Variants in TRPM3 observed in about 807,000 individuals in gnomAD.
The protein encoded by TRPM3 is transient receptor potential cation channel subfamily M member 3.
Under a neutral mutation model 181.2 loss-of-function variants are expected in TRPM3, and 77 were observed. That is an observed-to-expected ratio of 0.42 (90% CI 0.35 to 0.51). TRPM3 has a LOEUF of 0.51. TRPM3 is among the 20% of genes least tolerant of loss of function. TRPM3 has a pLI of 0.01. For missense variants in TRPM3, 1,759 were observed against 2,196.7 expected (o/e 0.80, Z 3.98); for synonymous variants, 745 against 796.4 (o/e 0.94, Z 1.09).
At position 70,765,086 on chromosome 9, in the gene TRPM3, C is replaced by A. The variant is rs117229901; in HGVS notation, c.1149-3362G>T. Reference sequence around the variant, plus strand: ...TAATTTCATTTTGCAGAAGAGAAAACTATGCCCTAAGGAGGTTAAATGATT... The same window carrying A: ...TAATTTCATTTTGCAGAAGAGAAAAATATGCCCTAAGGAGGTTAAATGATT... On this transcript the variant is annotated intron_variant, in intron 7 of 25. Transcript: ENST00000677713. Among the ~76,000 whole-genome samples the A allele has an allele frequency of 4.1e-3, 630 of 152,268 alleles. 3 individuals carry two copies. The highest frequency in any genetic ancestry group is 7.1e-3 in the Non-Finnish European group (480 of 68,020).
chr9:71,387,638 TA>T (rs1427167962), intron 1 of TRPM3, among the ~76,000 whole-genome samples: 1 of 152,198 alleles, frequency 6.6e-6, no homozygotes, highest in Non-Finnish European at 1.5e-5. Flanking sequence ...ATTATTTTAT[TA>T]CTTATTAAAA....
chr9:70,618,940 T>TGC lies in TRPM3; in HGVS notation c.2283_2284dup (p.His762ArgfsTer27). 1 of 1,613,648 alleles carries TGC rather than the reference T, an allele frequency of 6.2e-7. No homozygotes were observed. Among genetic ancestry groups the TGC allele is most frequent in the Non-Finnish European group, 8.5e-7 (1 of 1,179,986 alleles). ...GGTGAGCAGCATCTGGCTGCACGTG[T>TGC]GCGCGATGAAGTCGCGGTGTTTGGC... On this transcript the variant is annotated frameshift_variant, in exon 17 of 26. Coordinates refer to ENST00000677713, the MANE Select transcript of TRPM3 (RefSeq NM_001366145.2). LOFTEE classifies it high-confidence loss of function.
chr9:71,076,942 T>C (rs1044656692), intron 1 of TRPM3, among the ~76,000 whole-genome samples: 3 of 152,242 alleles, frequency 2.0e-5, no homozygotes, highest in East Asian at 1.9e-4. Flanking sequence ...GCATACACTT[T>C]TTCAAAAACA....
intron 1 of TRPM3, among the ~76,000 whole-genome samples, chr9:71,177,550 G>A (rs144089594): frequency 3.3e-5 from 5 of 152,174 alleles, no homozygotes; most frequent in East Asian, 1.9e-4. Context: ...TATTCTCATC[G>A]TTAAATGACC....
At chr9:71,427,587 GA>G (rs1460429963) in intron 1 of TRPM3, among the ~76,000 whole-genome samples, 2 of 152,196 alleles carry the variant, frequency 1.3e-5, no homozygotes, top group Non-Finnish European at 2.9e-5. Flanking sequence ...GCATAAAAAA[GA>G]ACAAAATCAT....
At chr9:70,938,994 A>T (rs2133522579) in intron 1 of TRPM3, among the ~76,000 whole-genome samples, 1 of 146,334 alleles carries the variant, frequency 6.8e-6, no homozygotes, top group East Asian at 2.1e-4. Context: ...AAAAAATAAA[A>T]AAAAAACATT....
chr9:71,261,334 G>C (rs1250651225), intron 1 of TRPM3, among the ~76,000 whole-genome samples: 1 of 152,136 alleles, frequency 6.6e-6, no homozygotes, highest in Non-Finnish European at 1.5e-5. Flanking sequence ...AAGTTCTCAT[G>C]CTGTGTTTTT....
At chr9:71,204,412 A>G (rs2045925586) in intron 1 of TRPM3, among the ~76,000 whole-genome samples, 2 of 152,270 alleles carry the variant, frequency 1.3e-5, no homozygotes, top group African/African-American at 4.8e-5. Flanking sequence ...GGATATGAAC[A>G]GCCACTTCTC....
Position 70,537,207 on chromosome 9 carries a change from C to T in TRPM3, c.3906G>A (p.Thr1302=), listed in dbSNP as rs147000092. Residue 1302 remains threonine, a synonymous_variant, in exon 26 of 26, where the codon ACG becomes ACA. Coordinates refer to ENST00000677713, the MANE Select transcript of TRPM3 (RefSeq NM_001366145.2). ...TCTGACGGACAATGTAGGCGGCGTCCGTGCAGTCTGACGAGGTCCTCGAGC... is the reference window on the plus strand; with the variant it reads ...TCTGACGGACAATGTAGGCGGCGTCTGTGCAGTCTGACGAGGTCCTCGAGC... The part of the protein sequence containing the change: ...KIRSRTSSDC[T]DAAYIVRQSS... The T allele has an allele frequency of 4.3e-5, 69 of 1,595,652 alleles. 1 individual carries two copies. In the Admixed American group the frequency reaches 9.5e-4, roughly 22 times the overall value.
chr9:71,070,521 A>T (rs188349385), intron 1 of TRPM3, among the ~76,000 whole-genome samples: 2,517 of 151,792 alleles, frequency 0.017, 50 homozygotes, highest in African/African-American at 0.053. Flanking sequence ...TTCCTTTTTT[A>T]AAAAAAAATC....
chr9:71,023,518 A>C (rs1010530285), intron 1 of TRPM3, among the ~76,000 whole-genome samples: 1 of 152,180 alleles, frequency 6.6e-6, no homozygotes, highest in East Asian at 1.9e-4. Flanking sequence ...GTTCACCCAA[A>C]AAAACCTGTG....
chr9:70,798,962 C>G (rs2088043001), intron 6 of TRPM3, among the ~76,000 whole-genome samples: 1 of 152,182 alleles, frequency 6.6e-6, no homozygotes, highest in Admixed American at 6.5e-5. Flanking sequence ...AGCCCAGATT[C>G]TTAGGGACTC....
chr9:71,379,589 TA>T (rs1442258294), intron 1 of TRPM3, among the ~76,000 whole-genome samples: 1 of 152,034 alleles, frequency 6.6e-6, no homozygotes, highest in Non-Finnish European at 1.5e-5. Context: ...CTCACCCACT[TA>T]ATTGATCTGG....
chr9:70,918,380 A>G (rs1206598995), intron 1 of TRPM3, among the ~76,000 whole-genome samples: 1 of 152,202 alleles, frequency 6.6e-6, no homozygotes, highest in Admixed American at 6.5e-5. Flanking sequence ...GGATCACAAA[A>G]CAAGTCTTAA....
chr9:71,407,823 A>G (rs1461127929), intron 1 of TRPM3, among the ~76,000 whole-genome samples: 1 of 152,194 alleles, frequency 6.6e-6, no homozygotes, highest in Admixed American at 6.5e-5. Flanking sequence ...ACACCTCCCA[A>G]TAGGGGCCAA....
intron 1 of TRPM3, among the ~76,000 whole-genome samples, chr9:71,393,039 T>A (rs543731014): frequency 6.6e-6 from 1 of 152,164 alleles, no homozygotes; most frequent in Non-Finnish European, 1.5e-5. Flanking sequence ...ACGATTTGTT[T>A]TCTAGGAAGG....
chr9:70,953,863 C>A (rs972068445), intron 1 of TRPM3, among the ~76,000 whole-genome samples: 1 of 152,170 alleles, frequency 6.6e-6, no homozygotes, highest in African/African-American at 2.4e-5. Context: ...GATCTCAGAC[C>A]TCACCATGCA....
intron 25 of TRPM3, among the ~76,000 whole-genome samples, chr9:70,542,116 A>G (rs904277257): frequency 2.0e-5 from 3 of 152,186 alleles, no homozygotes; most frequent in Admixed American, 6.5e-5. Flanking sequence ...GTGAGACCCT[A>G]TCTCAAACAA....
intron 1 of TRPM3, among the ~76,000 whole-genome samples, chr9:70,943,195 G>T (rs1333675833): frequency 6.6e-6 from 1 of 152,146 alleles, no homozygotes; most frequent in Non-Finnish European, 1.5e-5. Flanking sequence ...GGTGACTGAT[G>T]AATATTGGCT....
Sources: gnomAD v4.1 joint callset for allele counts (sites outside exome capture counted in the v4.1 genomes callset) on GRCh38, gnomAD v4.1.1 for gene constraint, MANE v1.5 for transcripts, NCBI Gene and HGNC (gene_info 2026-07-23, HGNC 2026-07-21) for gene names.